FAM13B: variants seen among roughly 807,000 people sequenced by gnomAD.
FAM13B encodes protein FAM13B.
FAM13B carries 60 observed loss-of-function variants against 117.3 expected under a neutral mutation model. The observed-to-expected ratio is 0.51, with a 90% CI of 0.42 to 0.63. The LOEUF is 0.63. FAM13B is among the 30% of genes least tolerant of loss of function. FAM13B has a pLI of 0.00. For synonymous variants in FAM13B, 332 were observed against 356.1 expected, an observed-to-expected ratio of 0.93 and a Z score of 0.76; for missense variants, 972 against 1,091.9, an observed-to-expected ratio of 0.89 and a Z score of 1.55.
At chr5:138,025,655 T>C (rs570608831) in intron 1 of FAM13B, among the ~76,000 whole-genome samples, 106 of 151,952 alleles carry the variant, frequency 7.0e-4, no homozygotes, top group African/African-American at 2.4e-3. Context: ...CACCCCTTTT[T>C]CCCCCCATGG....
At chr5:138,001,882 T>C (rs1218727599) in intron 7 of FAM13B, among the ~76,000 whole-genome samples, 4 of 152,014 alleles carry the variant, frequency 2.6e-5, no homozygotes, top group Non-Finnish European at 5.9e-5. Flanking sequence ...AATTAAAGAA[T>C]TTTGTTATGG....
chr5:137,956,093 C>T (rs887679174), intron 14 of FAM13B, among the ~76,000 whole-genome samples: 1 of 152,130 alleles, frequency 6.6e-6, no homozygotes, highest in Admixed American at 6.5e-5. Flanking sequence ...TTTAGTTTAA[C>T]TTTATGCATT....
intron 18 of FAM13B, 124 bp downstream of exon 18, chr5:137,948,831 T>G: frequency 1.5e-6 from 1 of 685,984 alleles, no homozygotes; most frequent in Non-Finnish European, 2.5e-6. Flanking sequence ...TTTCTGAATC[T>G]GCAAAGATGG....
In FAM13B at chr5:138,033,050, T is replaced by G; in HGVS notation, c.-471A>C. The G allele has an allele frequency of 9.2e-6, 9 of 980,020 alleles. No homozygotes were observed. The highest frequency in any genetic ancestry group is 1.1e-5 in the Non-Finnish European group (9 of 829,508). 60.7% of individuals were successfully genotyped at this position (980,020 alleles called of 1,614,324 possible). A position where few individuals can be genotyped will look rare whatever the true frequency, so the allele number is the denominator to read the frequency against. On this transcript the variant is annotated 5_prime_UTR_variant, in exon 1 of 24. Transcript: ENST00000689681. ...GAGGCGGCGGCTGAGGTGCAGAGCC[T>G]CCCTAACGGCGAGCGGGAGGAGAGC...
intron 2 of FAM13B, among the ~76,000 whole-genome samples, 180 bp from the exon 3 acceptor site, chr5:138,019,326 C>T (rs954617749): frequency 2.6e-5 from 4 of 152,208 alleles, no homozygotes. Flanking sequence ...AACATATTCC[C>T]TATTACGAAG....
At chr5:138,018,582 T>A in intron 3 of FAM13B, 68 bp from the exon 4 acceptor site, 1 of 1,398,696 alleles carries the variant, frequency 7.1e-7, no homozygotes, top group South Asian at 1.2e-5. Flanking sequence ...ATATTCATTC[T>A]CCAATTAACT....
intron 7 of FAM13B, among the ~76,000 whole-genome samples, chr5:137,991,504 A>C (rs1778593047): frequency 6.6e-6 from 1 of 152,224 alleles, no homozygotes; most frequent in Non-Finnish European, 1.5e-5. Context: ...AATCTCCTGA[A>C]GTGACAGTGT....
intron 1 of FAM13B, among the ~76,000 whole-genome samples, chr5:138,024,952 CCT>C (rs968581495): frequency 6.6e-6 from 1 of 151,550 alleles, no homozygotes; most frequent in African/African-American, 2.4e-5. Flanking sequence ...CTCACTGCAA[CCT>C]CTGTCTCCTG....
rs370312298 is a variant in FAM13B at position 138,040,752 on chromosome 5, C to A, written c.-203+11126G>T. Among the ~76,000 whole-genome samples the A allele has an allele frequency of 2.6e-4, 39 of 151,982 alleles. No individual in the cohort carries two copies. The South Asian group carries it at 6.2e-3, about 24-fold the overall frequency. ...TTTAGTACCCAGAGAGAAAGGGGATCTTAAAATTAGGCAGCAAGAAAAGAC... is the reference window on the plus strand; with the variant it reads ...TTTAGTACCCAGAGAGAAAGGGGATATTAAAATTAGGCAGCAAGAAAAGAC... On this transcript the variant is annotated intron_variant, in intron 1 of 3. Transcript: ENST00000502471.
At chr5:138,035,309 C>A (rs1285543432), upstream of FAM13B, among the ~76,000 whole-genome samples, 2 of 151,968 alleles carry the variant, frequency 1.3e-5, no homozygotes, top group East Asian at 3.9e-4. Context: ...CCGTGCCCGG[C>A]CTCCCTTGCG....
At chr5:138,016,992 G>C (rs1033314390) in intron 4 of FAM13B, among the ~76,000 whole-genome samples, 1 of 152,070 alleles carries the variant, frequency 6.6e-6, no homozygotes, top group Non-Finnish European at 1.5e-5. Flanking sequence ...AAAAATTCCT[G>C]TAATAATAAA....
At chr5:138,027,079 G>A (rs528043686) in intron 1 of FAM13B, among the ~76,000 whole-genome samples, 4 of 152,178 alleles carry the variant, frequency 2.6e-5, no homozygotes, top group South Asian at 4.1e-4. Context: ...AGGCTGTAGC[G>A]AGCTGTGACT....
intron 10 of FAM13B, among the ~76,000 whole-genome samples, chr5:137,974,345 A>C (rs914094921): frequency 6.6e-6 from 1 of 151,248 alleles, no homozygotes; most frequent in Non-Finnish European, 1.5e-5. Context: ...CATTCTCAGT[A>C]AACTATCGCA....
chr5:137,953,027 C>T (rs550232251), intron 16 of FAM13B, among the ~76,000 whole-genome samples: 123 of 152,240 alleles, frequency 8.1e-4, no homozygotes, highest in African/African-American at 2.8e-3. Context: ...CCACTTGGTA[C>T]TTGTAGTTTT....
rs140058371 is a variant in FAM13B at position 137,987,607 on chromosome 5, T to C, written c.900A>G (p.Glu300=). ...GTTCCACAGCTGCTCTAATTGTTCT[T>C]TCTAAAATACTACAAAACAACACGT... ...SILPASTDIL[E]RTIRAAVEQH... The change falls in exon 9 of 24, where the codon GAA becomes GAG. Residue 300 remains glutamate, a synonymous_variant. Coordinates refer to ENST00000689681, the MANE Select transcript of FAM13B (RefSeq NM_001385994.1). 1,935 of 1,610,032 alleles carry C rather than the reference T, an allele frequency of 1.2e-3. 2 individuals carry two copies. The highest frequency in any genetic ancestry group is 1.5e-3 in the Non-Finnish European group (1,726 of 1,178,406).
In FAM13B at chr5:137,969,148, C is replaced by G. The variant is rs1305697953; in HGVS notation, c.1180-6679G>C. On this transcript the variant is annotated intron_variant, in intron 10 of 23. Transcript: ENST00000689681. The stretch of plus-strand genomic sequence containing the variant: ...CTGCCTGCCTCTGTAGGCTCCACCT[C>G]TGGGGGGCAGGGCACAGACAAACAA... Among the ~76,000 whole-genome samples, 4 of 152,246 alleles carry G rather than the reference C, an allele frequency of 2.6e-5. No homozygotes were observed. The East Asian group carries it at 7.7e-4, about 29-fold the overall frequency.
At chr5:138,004,032 GCTGAGGTGGGCAGATCAC>G (rs1045424825) in intron 7 of FAM13B, among the ~76,000 whole-genome samples, 1 of 152,140 alleles carries the variant, frequency 6.6e-6, no homozygotes, top group African/African-American at 2.4e-5. Flanking sequence ...ACTTTGGGAG[GCTGAGGTGGGCAGATCAC>G]CTGAAGTCAG....
At chr5:138,011,272 C>G in intron 5 of FAM13B, 123 bp from the exon 6 acceptor site, 1 of 880,394 alleles carries the variant, frequency 1.1e-6, no homozygotes, top group East Asian at 2.7e-5. Context: ...TGCTTCCATT[C>G]TCCCATCTGT....
intron 16 of FAM13B, 94 bp from the exon 17 acceptor site, chr5:137,952,803 A>G: frequency 1.4e-6 from 1 of 716,996 alleles, no homozygotes; most frequent in East Asian, 2.6e-5. Context: ...CCCACAGCAA[A>G]GACTGCTCAA....
Sources: allele counts gnomAD v4.1 joint callset (sites outside exome capture counted in the v4.1 genomes callset), GRCh38; gene constraint gnomAD v4.1.1; transcripts MANE v1.5; gene names NCBI Gene and HGNC (gene_info 2026-07-23, HGNC 2026-07-21).